Variants in B3GALT1 observed in about 807,000 individuals in gnomAD.
The protein encoded by B3GALT1 is beta-1,3-galactosyltransferase 1, also known as UDP-Gal:betaGlcNAc beta 1,3-galactosyltransferase, polypeptide 1.
A neutral mutation model predicts 23.2 loss-of-function variants in B3GALT1; 10 were observed. The ratio of observed to expected loss-of-function variants is 0.43; its 90% CI spans 0.27 to 0.73. B3GALT1 has a LOEUF of 0.73. Among genes scored for constraint, B3GALT1 ranks in the 30% least tolerant of loss-of-function variants. The probability of loss-of-function intolerance (pLI) is 0.21; values close to 1 mark genes in which losing one functional copy is unlikely to be tolerated. For synonymous variants in B3GALT1, 156 were observed against 141.5 expected, an observed-to-expected ratio of 1.10 and a Z score of -0.73; for missense variants, 299 against 405.4, an observed-to-expected ratio of 0.74 and a Z score of 2.25.
intron 2 of B3GALT1, among the ~76,000 whole-genome samples, chr2:167,493,026 A>T (rs926353439): frequency 6.6e-6 from 1 of 152,184 alleles, no homozygotes; most frequent in Non-Finnish European, 1.5e-5. Context: ...TGCATATTCT[A>T]TAGATCTTGA....
At chr2:167,431,940 A>T (rs929682994) in intron 1 of B3GALT1, among the ~76,000 whole-genome samples, 6 of 152,238 alleles carry the variant, frequency 3.9e-5, no homozygotes, top group African/African-American at 1.4e-4. Flanking sequence ...CCACTAATTT[A>T]AAATTCTTTC....
chr2:167,574,430 A>G (rs1184188255), intron 2 of B3GALT1, among the ~76,000 whole-genome samples: 5 of 151,852 alleles, frequency 3.3e-5, no homozygotes, highest in Admixed American at 2.6e-4. Context: ...AATTAAGTGA[A>G]TATTGAAAGA....
intron 1 of B3GALT1, among the ~76,000 whole-genome samples, chr2:167,431,737 G>A (rs1331873201): frequency 6.6e-6 from 1 of 152,158 alleles, no homozygotes; most frequent in Non-Finnish European, 1.5e-5. Flanking sequence ...GATGGGCAAA[G>A]CATCCTGCTC....
intron 3 of B3GALT1, among the ~76,000 whole-genome samples, chr2:167,807,280 G>A (rs766893012): frequency 5.3e-5 from 8 of 151,970 alleles, no homozygotes; most frequent in African/African-American, 9.7e-5. Flanking sequence ...TGGATTCATC[G>A]AATTTTTGAA....
chr2:167,333,383 GGT>G (rs1308656417), intron 1 of B3GALT1, among the ~76,000 whole-genome samples: 2 of 152,148 alleles, frequency 1.3e-5, no homozygotes, highest in African/African-American at 4.8e-5. Context: ...CAGGAGAATT[GGT>G]CAAAATTCTC....
intron 3 of B3GALT1, among the ~76,000 whole-genome samples, chr2:167,734,513 A>T (rs1194956411): frequency 6.6e-6 from 1 of 151,924 alleles, no homozygotes; most frequent in Non-Finnish European, 1.5e-5. Flanking sequence ...CAAGAATGAG[A>T]CCCCCGTGCA....
intron 3 of B3GALT1, among the ~76,000 whole-genome samples, chr2:167,675,529 C>T (rs968591948): frequency 6.6e-6 from 1 of 152,140 alleles, no homozygotes; most frequent in Admixed American, 6.5e-5. Context: ...TGGCTGTCGG[C>T]TCATGGTGAA....
rs541808669 is a variant in B3GALT1 at position 167,388,987 on chromosome 2, A to G, written c.-511+95653A>G. Reference sequence around the variant, plus strand: ...CATCTGTTTCTTTTGTGGACAAAATAATTTCCTAGAGTGTAAATTATCTTT... The same window carrying G: ...CATCTGTTTCTTTTGTGGACAAAATGATTTCCTAGAGTGTAAATTATCTTT... On this transcript the variant is annotated intron_variant, in intron 1 of 4. Coordinates refer to ENST00000392690, the MANE Select transcript of B3GALT1 (RefSeq NM_020981.4). Among the ~76,000 whole-genome samples, 4 of 152,340 alleles carry G rather than the reference A, an allele frequency of 2.6e-5. No homozygotes were observed. The South Asian group carries it at 8.3e-4, about 32-fold the overall frequency.
chr2:167,528,935 A>T (rs1459043906), intron 2 of B3GALT1, among the ~76,000 whole-genome samples: 2 of 150,544 alleles, frequency 1.3e-5, no homozygotes, highest in Non-Finnish European at 1.5e-5. Context: ...TAATAGTAAA[A>T]CTCCTCTAGA....
At chr2:167,510,102 T>C (rs2105353537) in intron 2 of B3GALT1, among the ~76,000 whole-genome samples, 2 of 152,270 alleles carry the variant, frequency 1.3e-5, no homozygotes, top group South Asian at 2.1e-4. Flanking sequence ...TTATAGGTCT[T>C]ACCCAATATC....
chr2:167,458,418 T>C (rs911388231), intron 1 of B3GALT1, among the ~76,000 whole-genome samples: 1 of 152,234 alleles, frequency 6.6e-6, no homozygotes, highest in Non-Finnish European at 1.5e-5. Context: ...GCTATGAGCA[T>C]GGGTGTACAA....
chr2:167,702,050 C>T (rs1341224660), intron 3 of B3GALT1, among the ~76,000 whole-genome samples: 5 of 152,214 alleles, frequency 3.3e-5, no homozygotes, highest in Admixed American at 2.6e-4. Flanking sequence ...ATTATACATT[C>T]ATAACGTTAG....
At chr2:167,469,300 A>G (rs1385628327) in intron 1 of B3GALT1, among the ~76,000 whole-genome samples, 4 of 152,232 alleles carry the variant, frequency 2.6e-5, no homozygotes, top group East Asian at 3.8e-4. Context: ...CATCTGTGAA[A>G]TGGGAATAAC....
intron 1 of B3GALT1, among the ~76,000 whole-genome samples, chr2:167,474,540 A>G (rs1470359241): frequency 4.6e-5 from 7 of 152,160 alleles, no homozygotes; most frequent in Non-Finnish European, 8.8e-5. Context: ...TTCAGGACCT[A>G]TCACTTCCCT....
intron 2 of B3GALT1, among the ~76,000 whole-genome samples, chr2:167,574,466 G>A (rs1684349942): frequency 6.6e-6 from 1 of 151,576 alleles, no homozygotes; most frequent in Admixed American, 6.6e-5. Context: ...GGAAACATGA[G>A]GATCGCCCAG....
intron 3 of B3GALT1, among the ~76,000 whole-genome samples, chr2:167,811,832 C>CAGG (rs1036021356): frequency 6.6e-6 from 1 of 152,114 alleles, no homozygotes; most frequent in Non-Finnish European, 1.5e-5. Flanking sequence ...CCACTTAAGT[C>CAGG]AGGAGGAGGA....
chr2:167,818,459 C>T (rs1373127129), intron 3 of B3GALT1, among the ~76,000 whole-genome samples: 2 of 152,172 alleles, frequency 1.3e-5, no homozygotes, highest in Non-Finnish European at 2.9e-5. Context: ...GTTTGTAATC[C>T]TAGTACCAGC....
Position 167,754,172 on chromosome 2 carries a change from T to G in B3GALT1, c.-351-64500T>G, listed in dbSNP as rs1574245869. On this transcript the variant is annotated intron_variant, in intron 3 of 4. Transcript: ENST00000392690. The stretch of plus-strand genomic sequence containing the variant: ...GTATCTGTGATGAATTGTTATCAAG[T>G]TCTTAACTTGCTTACATTACATTTT... Among the ~76,000 whole-genome samples the G allele has an allele frequency of 2.0e-5, 3 of 152,226 alleles. No individual in the cohort carries two copies. In the South Asian group the frequency reaches 6.2e-4, roughly 32 times the overall value.
At chr2:167,742,701 TTC>T (rs1167176507) in intron 3 of B3GALT1, among the ~76,000 whole-genome samples, 1 of 152,142 alleles carries the variant, frequency 6.6e-6, no homozygotes, top group Admixed American at 6.5e-5. Flanking sequence ...AATGATGTAA[TTC>T]TGTTTTTCAG....
Sources: gnomAD v4.1 joint callset for allele counts (sites outside exome capture counted in the v4.1 genomes callset) on GRCh38, gnomAD v4.1.1 for gene constraint, MANE v1.5 for transcripts, NCBI Gene and HGNC (gene_info 2026-07-23, HGNC 2026-07-21) for gene names.